Variants in INPP4B observed in about 807,000 individuals in gnomAD.
The protein encoded by INPP4B is inositol polyphosphate 4-phosphatase type II.
A neutral mutation model predicts 122.5 loss-of-function variants in INPP4B; 55 were observed. That is an observed-to-expected ratio of 0.45 (90% CI 0.36 to 0.56). The LOEUF (loss-of-function observed/expected upper bound fraction) is 0.56. Among genes scored for constraint, INPP4B ranks in the 20% least tolerant of loss-of-function variants. The pLI is 0.00. For synonymous variants in INPP4B, 403 were observed against 388.7 expected (o/e 1.04, Z -0.43); for missense variants, 1,000 against 1,097.7 (o/e 0.91, Z 1.26).
rs2149161257 is a variant in INPP4B, at chr4:142,403,007, C to T, written c.303G>A (p.Glu101=). 2.5e-6 allele frequency: 4 copies of T among 1,611,716 alleles called. No individual in the cohort carries two copies. The highest frequency in any genetic ancestry group is 3.4e-6 in the Non-Finnish European group (4 of 1,177,846). Residue 101 remains glutamate, a synonymous_variant, in exon 7 of 26, where the codon GAG becomes GAA. Transcript: ENST00000262992. The part of the protein sequence containing the change: ...LFLTGVTFPS[E]YPIYEETKIK... ...TTTTGGTCTCCTCATAGATGGGATA[C>T]TCAGATGGGAATGTGACACCAGTCA...
chr4:142,346,480 G>A (rs891464469), intron 7 of INPP4B, among the ~76,000 whole-genome samples: 12 of 151,752 alleles, frequency 7.9e-5, no homozygotes, highest in African/African-American at 2.9e-4. Context: ...TTGATAATGT[G>A]GAAAAAGATA....
chr4:142,306,618 G>C (rs1398170878), intron 8 of INPP4B, among the ~76,000 whole-genome samples: 1 of 152,166 alleles, frequency 6.6e-6, no homozygotes, highest in Non-Finnish European at 1.5e-5. Context: ...GCTAGGCAGA[G>C]GAAAGAAAAG....
chr4:142,204,945 C>T (rs1486769505), intron 14 of INPP4B, among the ~76,000 whole-genome samples: 2 of 152,042 alleles, frequency 1.3e-5, no homozygotes, highest in African/African-American at 2.4e-5. Context: ...CCCTAGAAAA[C>T]CAATACATAT....
chr4:142,668,247 G>A (rs1422652206), intron 2 of INPP4B, among the ~76,000 whole-genome samples: 2 of 152,078 alleles, frequency 1.3e-5, no homozygotes, highest in Non-Finnish European at 2.9e-5. Context: ...TTAACAGAAT[G>A]AAGTACAAAA....
At chr4:142,305,430 C>T (rs140779638) in intron 9 of INPP4B, 28 bp downstream of exon 9, 23 of 1,524,804 alleles carry the variant, frequency 1.5e-5, no homozygotes, top group African/African-American at 1.4e-4. Context: ...TTAACTTTAA[C>T]AGTATTTCTA....
At chr4:142,496,108 T>C (rs1386580196) in intron 2 of INPP4B, among the ~76,000 whole-genome samples, 2 of 152,204 alleles carry the variant, frequency 1.3e-5, no homozygotes, top group Admixed American at 1.3e-4. Context: ...TGGCCTCACA[T>C]TACTTACTAC....
chr4:142,428,442 A>G (rs1444245623), intron 5 of INPP4B, among the ~76,000 whole-genome samples: 2 of 151,484 alleles, frequency 1.3e-5, no homozygotes, highest in African/African-American at 4.8e-5. Flanking sequence ...ATGACAGGAA[A>G]AAAAAAAAAA....
At chr4:142,378,363 T>C (rs937831455) in intron 7 of INPP4B, among the ~76,000 whole-genome samples, 1 of 152,186 alleles carries the variant, frequency 6.6e-6, no homozygotes, top group Non-Finnish European at 1.5e-5. Flanking sequence ...CATAACAGTG[T>C]TTAAAAACCT....
intron 2 of INPP4B, among the ~76,000 whole-genome samples, chr4:142,557,869 TC>T (rs1729562062): frequency 6.6e-6 from 1 of 152,222 alleles, no homozygotes; most frequent in African/African-American, 2.4e-5. Context: ...ATCTATGGGC[TC>T]ATTCACCTAT....
intron 9 of INPP4B, among the ~76,000 whole-genome samples, chr4:142,277,342 A>G (rs896017085): frequency 1.4e-4 from 21 of 151,868 alleles, no homozygotes; most frequent in African/African-American, 5.1e-4. Flanking sequence ...TAGTTTAACT[A>G]AGTCCCATCT....
Position 142,061,865 on chromosome 4 carries a change from T to TAC in INPP4B, c.2642+20164_2642+20165dup, listed in dbSNP as rs1198104747. ...ATGTACATATATACATATATATATG[T>TAC]ACACACACACACACACACACATATA... On this transcript the variant is annotated intron_variant, in intron 25 of 25. Transcript: ENST00000262992. 3.0e-3 allele frequency among the ~76,000 whole-genome samples: 124 copies of TAC among 41,392 alleles called. 1 individual carries two copies. The highest frequency in any genetic ancestry group is 6.0e-3 in the African/African-American group (105 of 17,466). The allele number at this position is 41,392 out of a possible 152,430, so 27.2% of individuals were successfully genotyped here.
chr4:142,554,631 A>T (rs1728755879), intron 2 of INPP4B, among the ~76,000 whole-genome samples: 2 of 152,120 alleles, frequency 1.3e-5, no homozygotes, highest in Admixed American at 1.3e-4. Context: ...GGCTCTACCC[A>T]CTCTGAACCT....
intron 12 of INPP4B, among the ~76,000 whole-genome samples, chr4:142,227,552 G>A (rs1852100260): frequency 6.6e-6 from 1 of 151,970 alleles, no homozygotes; most frequent in Non-Finnish European, 1.5e-5. Context: ...ATATTTTCAT[G>A]TATTCATGAA....
intron 2 of INPP4B, among the ~76,000 whole-genome samples, chr4:142,544,903 A>G (rs1829374029): frequency 6.6e-6 from 1 of 152,190 alleles, no homozygotes; most frequent in Non-Finnish European, 1.5e-5. Context: ...TGAAGTTTTC[A>G]ACCAGTAATG....
intron 2 of INPP4B, among the ~76,000 whole-genome samples, chr4:142,617,771 A>G (rs1744035938): frequency 6.6e-6 from 1 of 152,100 alleles, no homozygotes; most frequent in Admixed American, 6.6e-5. Flanking sequence ...TATAAATCCT[A>G]TAGAAAACCC....
chr4:142,344,097 T>A (rs935211099), intron 7 of INPP4B, among the ~76,000 whole-genome samples: 16 of 152,108 alleles, frequency 1.1e-4, no homozygotes, highest in African/African-American at 2.4e-4. Flanking sequence ...ATCTTTCTAA[T>A]AATAGCTATA....
chr4:142,662,227 T>G (rs1300283816), intron 2 of INPP4B, among the ~76,000 whole-genome samples: 6 of 150,160 alleles, frequency 4.0e-5, no homozygotes, highest in African/African-American at 1.5e-4. Flanking sequence ...AGAGTGAGAC[T>G]GCCTCAAAAA....
chr4:142,744,956 A>G (rs1768486267), intron 1 of INPP4B, among the ~76,000 whole-genome samples: 1 of 151,784 alleles, frequency 6.6e-6, no homozygotes, highest in African/African-American at 2.4e-5. Context: ...GATGTGCAAA[A>G]GAAGGTACAA....
intron 5 of INPP4B, among the ~76,000 whole-genome samples, chr4:142,424,577 G>C (rs913858497): frequency 2.0e-5 from 3 of 151,970 alleles, no homozygotes; most frequent in African/African-American, 7.2e-5. Context: ...ATATTATCCT[G>C]CTTTTAAAAC....
Sources: gnomAD v4.1 joint callset for allele counts (sites outside exome capture counted in the v4.1 genomes callset) on GRCh38, gnomAD v4.1.1 for gene constraint, MANE v1.5 for transcripts, NCBI Gene and HGNC (gene_info 2026-07-23, HGNC 2026-07-21) for gene names.